Variants in KMT5C observed in about 807,000 individuals in gnomAD.
KMT5C encodes the protein lysine methyltransferase 5C, also known as histone-lysine N-methyltransferase KMT5C.
A neutral mutation model predicts 38.2 loss-of-function variants in KMT5C; 16 were observed. The ratio of observed to expected loss-of-function variants is 0.42; its 90% CI spans 0.28 to 0.64. KMT5C has a LOEUF of 0.64. Ranked by LOEUF, KMT5C falls within the 30% of genes least tolerant of loss-of-function variation. The pLI is 0.23. For synonymous variants in KMT5C, 291 were observed against 279.0 expected (o/e 1.04, Z -0.43); for missense variants, 598 against 665.1 (o/e 0.90, Z 1.11).
At chr19:55,340,279 T>TCCAGGCCTCTCCCTGCACCC in intron 1 of KMT5C, among the ~76,000 whole-genome samples, 1 of 146,190 alleles carries the variant, frequency 6.8e-6, no homozygotes, top group Non-Finnish European at 1.5e-5. Context: ...GACCTCACCC[T>TCCAGGCCTCTCCCTGCACCC]CCAGGCCTCT....
chr19:55,346,032 G>A (rs1258005906), intron 6 of KMT5C, 181 bp from the exon 7 acceptor site: 5 of 655,196 alleles, frequency 7.6e-6, no homozygotes, highest in South Asian at 1.9e-5. Flanking sequence ...TTGTCCAGGG[G>A]CTACAGGCAA....
rs1350612192 is a variant in KMT5C at position 55,347,350 on chromosome 19, G to A, written c.1290G>A (p.Lys430=). ...CCCCAGGCCCCATCCTGATCCCGAA[G>A]CAGGCCCTCGCCTTCGCCCCCTTCT... The part of the protein sequence containing the change: ...AGTPGPILIP[K]QALAFAPFSP... Residue 430 remains lysine (K), a synonymous_variant, in exon 9 of 9, where the codon AAG becomes AAA. Transcript: ENST00000255613. The surrounding 1 kb of genome is among the most constrained non-coding windows in gnomAD (Gnocchi z 4.6). 1.3e-6 allele frequency: 2 copies of A among 1,578,662 alleles called. No individual in the cohort carries two copies. Among genetic ancestry groups the A allele is most frequent in the Non-Finnish European group, 8.6e-7 (1 of 1,166,616 alleles).
intron 6 of KMT5C, 103 bp from the exon 7 acceptor site, chr19:55,346,110 C>T: frequency 7.0e-7 from 1 of 1,432,872 alleles, no homozygotes; most frequent in South Asian, 1.2e-5. Context: ...TTGCCCCATT[C>T]CAGGAGAGGA....
chr19:55,346,421 C>A, intron 7 of KMT5C, 72 bp downstream of exon 7: 1 of 1,609,668 alleles, frequency 6.2e-7, no homozygotes, highest in Non-Finnish European at 8.5e-7. Flanking sequence ...ACCCTCGGGA[C>A]CCATCCCTGA....
At chr19:55,345,010 G>A (rs1042346315) in intron 6 of KMT5C, 13 of 456,946 alleles carry the variant, frequency 2.8e-5, no homozygotes, top group African/African-American at 1.0e-4. Context: ...TTTGGACAGC[G>A]AATGCGTGGC....
Position 55,342,725 on chromosome 19 carries a change from A to G in KMT5C, c.277-17A>G. The G allele has an allele frequency of 7.4e-7, 1 of 1,348,104 alleles. No individual in the cohort carries two copies. Among genetic ancestry groups the G allele is most frequent in the Non-Finnish European group, 1.1e-6 (1 of 941,482 alleles). 83.5% of individuals were successfully genotyped at this position (1,348,104 alleles called of 1,614,324 possible). On this transcript the variant is annotated splice_polypyrimidine_tract_variant and intron_variant, in intron 3 of 8. Transcript: ENST00000255613. ...GCCCCTGCCCCGCCTCCTCACCCCC[A>G]CCCTCACCCTCACCAGGTCTATCGC...
Position 55,341,912 on chromosome 19 carries a change from G to C in KMT5C, c.-25G>C. 1 of 1,594,950 alleles carries C rather than the reference G, an allele frequency of 6.3e-7. No individual in the cohort carries two copies. Among genetic ancestry groups the C allele is most frequent in the Non-Finnish European group, 8.6e-7 (1 of 1,163,382 alleles). ...CCTCACCTGCTCCTGCTCTCTGCCAGAGGCAGCATGGTCCGCAGGGCACCA... is the reference window on the plus strand; with the variant it reads ...CCTCACCTGCTCCTGCTCTCTGCCACAGGCAGCATGGTCCGCAGGGCACCA... On this transcript the variant is annotated 5_prime_UTR_variant, in exon 2 of 9. Coordinates refer to ENST00000255613, the MANE Select transcript of KMT5C (RefSeq NM_032701.4).
In KMT5C at chr19:55,346,309, G is replaced by A; in HGVS notation, c.667G>A (p.Gly223Ser). 1 of 1,614,060 alleles carries A rather than the reference G, an allele frequency of 6.2e-7. No individual in the cohort carries two copies. The highest frequency in any genetic ancestry group is 8.5e-7 in the Non-Finnish European group (1 of 1,179,954). ...ATGCTTCTACGGCGAGGGCTTCTTC[G>A]GCGAGAAGAATGAGCACTGTGAATG... ...VTCFYGEGFF[G>S]EKNEHCECHT... The change falls in exon 7 of 9, where the codon GGC becomes AGC. Residue 223 changes from glycine to serine, a missense_variant. By Grantham distance (56) the Gly-to-Ser change is moderately conservative. Coordinates refer to ENST00000255613, the MANE Select transcript of KMT5C (RefSeq NM_032701.4).
chr19:55,344,139 C>T (rs1243219288), intron 6 of KMT5C, 142 bp downstream of exon 6: 5 of 818,006 alleles, frequency 6.1e-6, no homozygotes, highest in Non-Finnish European at 9.8e-6. Context: ...CTTTGGGAGG[C>T]CGAGGTGGGC....
intron 6 of KMT5C, chr19:55,344,681 G>A: frequency 3.9e-6 from 2 of 518,164 alleles, no homozygotes; most frequent in South Asian, 2.9e-5. Flanking sequence ...CAGGAGCAGG[G>A]AGGCCAGAGA....
Position 55,343,636 on chromosome 19 carries a change from A to C in KMT5C, c.387-44A>C. On this transcript the variant is annotated intron_variant, in intron 4 of 8. Transcript: ENST00000255613. The surrounding 1 kb of genome is among the most constrained non-coding windows in gnomAD (Gnocchi z 5.5). ...CCCGAGTCCCCTGAACACCTGCAGG[A>C]GGCCAGGCATCGCCCACAGCCCTGC... The C allele has an allele frequency of 6.5e-7, 1 of 1,542,038 alleles. No individual in the cohort carries two copies. The highest frequency in any genetic ancestry group is 8.8e-7 in the Non-Finnish European group (1 of 1,140,968).
In KMT5C at chr19:55,342,818, C is replaced by T; in HGVS notation, c.353C>T (p.Thr118Ile). The change falls in exon 4 of 9, where the codon ACC becomes ATC. Residue 118 changes from threonine to isoleucine, a missense_variant. This residue lies in a region of KMT5C where 167 missense variants were observed against 187.8 expected (regional missense o/e 0.89). Coordinates refer to ENST00000255613, the MANE Select transcript of KMT5C (RefSeq NM_032701.4). The stretch of plus-strand genomic sequence containing the variant: ...CCCTGCACGCGCTACTCCATGGAGA[C>T]CAACGGGGCCAAGATCGTGTCCACT... ...ILPCTRYSME[T>I]NGAKIVSTRA... 6.2e-7 allele frequency: 1 copy of T among 1,612,034 alleles called. No individual in the cohort carries two copies. Among genetic ancestry groups the T allele is most frequent in the Non-Finnish European group, 8.5e-7 (1 of 1,178,088 alleles).
Position 55,343,610 on chromosome 19 carries a change from G to A in KMT5C, c.387-70G>A. 2.0e-6 allele frequency: 3 copies of A among 1,486,610 alleles called. No homozygotes were observed. The highest frequency in any genetic ancestry group is 2.7e-6 in the Non-Finnish European group (3 of 1,096,106). The allele number at this position is 1,486,610 out of a possible 1,614,324, so 92.1% of individuals were successfully genotyped here. ...CTTCCTGGGTGCCTCTGTGCCGGAG[G>A]CCCGAGTCCCCTGAACACCTGCAGG... On this transcript the variant is annotated intron_variant, in intron 4 of 8. Transcript: ENST00000255613. The surrounding 1 kb of genome is among the most constrained non-coding windows in gnomAD (Gnocchi z 5.5).
chr19:55,346,950 TCACAGCCGCCTGCCAGCCCCTGCGCCTG>T lies in KMT5C; in HGVS notation c.896-4_919del. On this transcript the variant is annotated splice_acceptor_variant and splice_polypyrimidine_tract_variant and coding_sequence_variant and intron_variant, in exon 9 of 9. Transcript: ENST00000255613. LOFTEE classifies it high-confidence loss of function. ...CCTCCTCTCCCTGCCACCTGGGCCT[TCACAGCCGCCTGCCAGCCCCTGCGCCTG>T]CCAGCCTGCAGCGCCCGCCCAGACA... The T allele has an allele frequency of 1.1e-6, 1 of 930,994 alleles. No homozygotes were observed. 57.7% of individuals were successfully genotyped at this position (930,994 alleles called of 1,614,324 possible). A position where few individuals can be genotyped will look rare whatever the true frequency, so the allele number is the denominator to read the frequency against.
chr19:55,340,701 G>GC (rs1424449829), intron 1 of KMT5C, among the ~76,000 whole-genome samples: 3 of 151,374 alleles, frequency 2.0e-5, no homozygotes, highest in Non-Finnish European at 4.4e-5. Context: ...TCCCTGGACC[G>GC]CCCCCCGACC....
At chr19:55,342,137 T>C in intron 2 of KMT5C, 78 bp from the exon 3 acceptor site, 3 of 1,584,530 alleles carry the variant, frequency 1.9e-6, no homozygotes, top group Non-Finnish European at 2.6e-6. Flanking sequence ...CTTAGCCTGG[T>C]CCTCCCCTCA....
rs2089577230 is a variant in KMT5C, at chr19:55,342,984, G to T, written c.386+133G>T. 8 of 659,098 alleles carry T rather than the reference G, an allele frequency of 1.2e-5. No homozygotes were observed. The South Asian group carries it at 1.3e-4, about 11-fold the overall frequency. The allele number at this position is 659,098 out of a possible 1,614,324, so 40.8% of individuals were successfully genotyped here. ...CTGGTCCTCCGGGCATCCTAGGAAG[G>T]TGGTGGGGCTAATCCCGGAAGACCT... On this transcript the variant is annotated intron_variant, in intron 4 of 8. Coordinates refer to ENST00000255613, the MANE Select transcript of KMT5C (RefSeq NM_032701.4).
At position 55,347,057 on chromosome 19, in the gene KMT5C, C is replaced by A; in HGVS notation, c.997C>A (p.Arg333=). ...LPQPQPRVRP[R]KRRRPRPRRA... ...TCAGCCCCAGCCCCGAGTGCGGCCCCGGAAGCGCCGACGCCCCCGGCCCCG... is the reference window on the plus strand; with the variant it reads ...TCAGCCCCAGCCCCGAGTGCGGCCCAGGAAGCGCCGACGCCCCCGGCCCCG... Residue 333 remains arginine (R), a synonymous_variant, in exon 9 of 9, where the codon CGG becomes AGG. Transcript: ENST00000255613. This position sits in a 1 kb window ranked among gnomAD's most constrained non-coding sequence, Gnocchi z 4.6. 2 of 1,578,016 alleles carry A rather than the reference C, an allele frequency of 1.3e-6. No individual in the cohort carries two copies. Among genetic ancestry groups the A allele is most frequent in the Non-Finnish European group, 1.7e-6 (2 of 1,165,484 alleles).
intron 6 of KMT5C, chr19:55,344,992 C>CGGAGGGTTTT (rs1467588542): frequency 2.2e-6 from 1 of 459,222 alleles, no homozygotes; most frequent in Non-Finnish European, 4.4e-6. Flanking sequence ...TCAAGTGTGC[C>CGGAGGGTTTT]GGAGGGTTTT....
Sources: gnomAD v4.1 joint callset for allele counts (sites outside exome capture counted in the v4.1 genomes callset) on GRCh38, gnomAD v4.1.1 for gene constraint, gnomAD v4.1.1 regional missense constraint, Gnocchi (gnomAD v3.1) non-coding constraint, MANE v1.5 for transcripts, NCBI Gene and HGNC (gene_info 2026-07-23, HGNC 2026-07-21) for gene names.